The following DSC1 variants were observed in gnomAD, a reference collection of about 807,000 sequenced individuals.
DSC1 encodes the protein desmocollin-1.
Under a neutral mutation model 98.8 loss-of-function variants are expected in DSC1, and 79 were observed. The observed-to-expected ratio is 0.80, with a 90% confidence interval of 0.67 to 0.96. DSC1 has a LOEUF of 0.96. Ranked by LOEUF, DSC1 falls within the 50% of genes least tolerant of loss-of-function variation. The probability of loss-of-function intolerance (pLI) is 0.00; values close to 1 mark genes in which losing one functional copy is unlikely to be tolerated. For missense variants in DSC1, 1,115 were observed against 1,075.9 expected (o/e 1.04, Z -0.51); for synonymous variants, 405 against 372.1 (o/e 1.09, Z -1.02).
intron 5 of DSC1, among the ~76,000 whole-genome samples, chr18:31,154,275 G>T (rs1239286186): frequency 1.1e-5 from 1 of 93,676 alleles, no homozygotes; most frequent in Non-Finnish European, 2.5e-5. Flanking sequence ...AGAAAGGGAT[G>T]CAAAAAAAAA....
intron 11 of DSC1, among the ~76,000 whole-genome samples, chr18:31,135,406 T>C (rs1029825008): frequency 6.6e-6 from 1 of 152,132 alleles, no homozygotes; most frequent in Admixed American, 6.6e-5. Context: ...GCTAATACTT[T>C]GGCTCACACA....
chr18:31,142,130 C>T lies in DSC1; in HGVS notation c.1129G>A (p.Val377Ile), dbSNP rs1262530291. The T allele has an allele frequency of 6.2e-7, 1 of 1,612,920 alleles. No individual in the cohort carries two copies. The highest frequency in any genetic ancestry group is 8.5e-7 in the Non-Finnish European group (1 of 1,179,664). The change falls in exon 9 of 16, where the codon GTA (valine) becomes ATA (isoleucine). Residue 377 changes from valine (V) to isoleucine (I), a missense_variant. Val to Ile is a conservative substitution (Grantham distance 29). Transcript: ENST00000257198. ...RIDVEILRMK[V>I]QDQDLPNTPH... is the part of the protein sequence containing the mutation. ...GTGTTTGGCAAATCCTGATCCTGTA[C>T]CTTCATTCGTAAAATCTCCACGTCA...
intron 6 of DSC1, among the ~76,000 whole-genome samples, chr18:31,146,162 T>C (rs181234001): frequency 7.2e-4 from 110 of 152,246 alleles, no homozygotes; most frequent in African/African-American, 2.5e-3. Flanking sequence ...TACCGAGGTT[T>C]GGGCTTCTAA....
At chr18:31,149,062 T>C (rs1468484138) in intron 5 of DSC1, among the ~76,000 whole-genome samples, 7 of 152,216 alleles carry the variant, frequency 4.6e-5, no homozygotes, top group Non-Finnish European at 7.3e-5. Context: ...ATTATATGTT[T>C]TTTACCTATA....
Position 31,148,480 on chromosome 18 carries a change from A to G in DSC1, c.772+18T>C. On this transcript the variant is annotated intron_variant, in intron 6 of 15. Transcript: ENST00000257198. ...TCAAATAGTCTTCTTGTCATGCTAC[A>G]ATAAAATGTGAACTTACCGGATCGG... is the stretch of plus-strand genomic sequence containing the variant. 6.4e-7 allele frequency: 1 copy of G among 1,574,080 alleles called. No individual in the cohort carries two copies. Among genetic ancestry groups the G allele is most frequent in the Non-Finnish European group, 8.7e-7 (1 of 1,151,540 alleles).
At chr18:31,136,797 G>A (rs1988619615) in intron 11 of DSC1, among the ~76,000 whole-genome samples, 1 of 152,134 alleles carries the variant, frequency 6.6e-6, no homozygotes, top group Non-Finnish European at 1.5e-5. Flanking sequence ...GCCACAGGTT[G>A]GACAAGCTTG....
At chr18:31,132,113 A>C in intron 14 of DSC1, 2 of 480,746 alleles carry the variant, frequency 4.2e-6, no homozygotes, top group Non-Finnish European at 7.5e-6. Context: ...ATATGGGATT[A>C]GAGTGGGTCC....
chr18:31,142,145 T>C lies in DSC1; in HGVS notation c.1114A>G (p.Ile372Val), dbSNP rs1033009645. 6.2e-7 allele frequency: 1 copy of C among 1,612,704 alleles called. No homozygotes were observed. The highest frequency in any genetic ancestry group is 8.5e-7 in the Non-Finnish European group (1 of 1,179,624). Reference sequence around the variant, plus strand: ...TGATCCTGTACCTTCATTCGTAAAATCTCCACGTCAATTCTGTTTTCTTCT... The same window carrying C: ...TGATCCTGTACCTTCATTCGTAAAACCTCCACGTCAATTCTGTTTTCTTCT... ...EVEENRIDVEILRMKVQDQDL... is the reference protein window; with the variant it reads ...EVEENRIDVEVLRMKVQDQDL... Residue 372 changes from isoleucine to valine, a missense_variant, in exon 9 of 16, where the codon ATT (isoleucine) becomes GTT (valine). Ile to Val is a conservative substitution (Grantham distance 29). Coordinates refer to ENST00000257198, the MANE Select transcript of DSC1 (RefSeq NM_024421.2).
intron 5 of DSC1, among the ~76,000 whole-genome samples, chr18:31,150,397 T>C (rs59700314): frequency 0.017 from 306 of 17,886 alleles, 34 homozygotes; most frequent in East Asian, 0.026. Context: ...TCACCACCAT[T>C]ATCACCACCA....
At position 31,156,132 on chromosome 18, in the gene DSC1, C is replaced by G. The variant is rs765468265; in HGVS notation, c.382G>C (p.Ala128Pro). Residue 128 changes from alanine (A) to proline (P), a missense_variant, in exon 4 of 16, where the codon GCC (alanine) becomes CCC (proline). By Grantham distance (27) the Ala-to-Pro change is conservative. Coordinates refer to ENST00000257198, the MANE Select transcript of DSC1 (RefSeq NM_024421.2). ...SPKKRHTKDT[A>P]LKRSKRRWAP... ...CATCGTCTCTTGCTGCGCTTGAGGGCTGTGTCTTTGGTATGTCTCTTCTTA... is the reference window on the plus strand; with the variant it reads ...CATCGTCTCTTGCTGCGCTTGAGGGGTGTGTCTTTGGTATGTCTCTTCTTA... 1 of 1,614,094 alleles carries G rather than the reference C, an allele frequency of 6.2e-7. No homozygotes were observed. The highest frequency in any genetic ancestry group is 1.7e-5 in the Admixed American group (1 of 60,006).
At position 31,152,116 on chromosome 18, in the gene DSC1, C is replaced by T. The variant is rs1312665948; in HGVS notation, c.627+2658G>A. Among the ~76,000 whole-genome samples the T allele has an allele frequency of 2.6e-5, 4 of 151,392 alleles. No homozygotes were observed. In the South Asian group the frequency reaches 8.3e-4, roughly 31 times the overall value. ...GGCAGAGGTTGCAGTGAGCCGAGAT[C>T]GGATTACTGCACTCCAGCCTGGGAG... On this transcript the variant is annotated intron_variant, in intron 5 of 15. Transcript: ENST00000257198.
In DSC1 at chr18:31,134,605, C is replaced by A. The variant is rs1402450969; in HGVS notation, c.1843G>T (p.Ala615Ser). Residue 615 changes from alanine (A) to serine (S), a missense_variant, in exon 12 of 16, where the codon GCC becomes TCC. Physicochemically the swap from Ala to Ser is moderately conservative, Grantham distance 99 (BLOSUM62 1). Coordinates refer to ENST00000257198, the MANE Select transcript of DSC1 (RefSeq NM_024421.2). ...PPFQFFLDNS[A>S]SKNWNIEEKD... Reference sequence around the variant, plus strand: ...TCTTCTATGTTCCAGTTTTTACTGGCAGAATTATCCAGAAAGAATTGAAAA... The same window carrying A: ...TCTTCTATGTTCCAGTTTTTACTGGAAGAATTATCCAGAAAGAATTGAAAA... 4 of 1,611,572 alleles carry A rather than the reference C, an allele frequency of 2.5e-6. No individual in the cohort carries two copies. The African/African-American group carries it at 4.0e-5, about 16-fold the overall frequency.
chr18:31,138,369 T>C (rs1988656295), intron 11 of DSC1, among the ~76,000 whole-genome samples: 1 of 152,118 alleles, frequency 6.6e-6, no homozygotes, highest in South Asian at 2.1e-4. Flanking sequence ...TATTCATACA[T>C]TCTTTTTGAG....
rs1200605292 is a variant in DSC1, at chr18:31,130,541, T to C, written c.2658A>G (p.Thr886=). The C allele has an allele frequency of 6.2e-7, 1 of 1,614,076 alleles. No individual in the cohort carries two copies. Among genetic ancestry groups the C allele is most frequent in the Non-Finnish European group, 8.5e-7 (1 of 1,180,024 alleles). ...FLDHLEPKFR[T]LAKTCIKK is the part of the protein sequence containing the mutation. ...ATTTCTTGATGCATGTCTTTGCTAA[T>C]GTCCTAAATTTGGGTTCCAGGTGAT... Residue 886 remains threonine (T), a synonymous_variant, in exon 16 of 16, where the codon ACA becomes ACG. Coordinates refer to ENST00000257198, the MANE Select transcript of DSC1 (RefSeq NM_024421.2).
At chr18:31,138,811 A>T (rs1988667513) in intron 11 of DSC1, among the ~76,000 whole-genome samples, 1 of 151,974 alleles carries the variant, frequency 6.6e-6, no homozygotes, top group African/African-American at 2.4e-5. Context: ...CAGCATATGC[A>T]TGTAAAAAGA....
intron 14 of DSC1, 33 bp downstream of exon 14, chr18:31,132,535 G>T: frequency 6.2e-7 from 1 of 1,608,782 alleles, no homozygotes; most frequent in Non-Finnish European, 8.5e-7. Context: ...TTTGTTCACC[G>T]TACAATTCAA....
chr18:31,143,653 T>C lies in DSC1; in HGVS notation c.1074+4A>G. 1 of 1,572,706 alleles carries C rather than the reference T, an allele frequency of 6.4e-7. No individual in the cohort carries two copies. The highest frequency in any genetic ancestry group is 8.6e-7 in the Non-Finnish European group (1 of 1,160,368). ...TAGATGAATGAATAGAGAGGTATAC[T>C]CACAGAAGTTTCTGTGAAAGATGGT... On this transcript the variant is annotated splice_donor_region_variant and intron_variant, in intron 8 of 15. Transcript: ENST00000257198.
Position 31,159,444 on chromosome 18 carries a change from C to A in DSC1, c.148+1G>T, listed in dbSNP as rs1393334760. 5.0e-6 allele frequency: 8 copies of A among 1,612,150 alleles called. No individual in the cohort carries two copies. The highest frequency in any genetic ancestry group is 6.8e-6 in the Non-Finnish European group (8 of 1,179,148). ...ATGAAACTGTTAATAGTGTTTCTCA[C>A]CTTTGCCTACAAGTGTTTCAGCCTG... On this transcript the variant is annotated splice_donor_variant, in intron 2 of 15. Transcript: ENST00000257198. LOFTEE classifies it high-confidence loss of function.
Position 31,156,069 on chromosome 18 carries a change from C to G in DSC1, c.445G>C (p.Gly149Arg), listed in dbSNP as rs983413784. The change falls in exon 4 of 16, where the codon GGT becomes CGT. Residue 149 changes from glycine to arginine, a missense_variant. Transcript: ENST00000257198. ...IPASLMENSL[G>R]PFPQHVQQIQ... ...TGCTGAACGTGTTGTGGAAATGGAC[C>G]CAACGAGTTCTCCATCAATGAAGCT... The G allele has an allele frequency of 6.2e-7, 1 of 1,613,882 alleles. No individual in the cohort carries two copies. The highest frequency in any genetic ancestry group is 8.5e-7 in the Non-Finnish European group (1 of 1,179,974).
Sources: allele counts gnomAD v4.1 joint callset (sites outside exome capture counted in the v4.1 genomes callset), GRCh38; gene constraint gnomAD v4.1.1; transcripts MANE v1.5; gene names NCBI Gene and HGNC (gene_info 2026-07-23, HGNC 2026-07-21).